Variants in KCNH1 observed in about 807,000 individuals in gnomAD.
The protein encoded by KCNH1 is voltage-gated delayed rectifier potassium channel KCNH1.
KCNH1 carries 27 observed loss-of-function variants against 69.2 expected under a neutral mutation model. That is an observed-to-expected ratio of 0.39 (90% CI 0.29 to 0.54). The LOEUF is 0.54. Among genes scored for constraint, KCNH1 ranks in the 20% least tolerant of loss-of-function variants. The pLI is 0.68. For missense variants in KCNH1, 798 were observed against 1,261.6 expected, an observed-to-expected ratio of 0.63 and a Z score of 5.57; for synonymous variants, 456 against 487.7, an observed-to-expected ratio of 0.93 and a Z score of 0.86.
At chr1:210,776,707 T>C (rs1683868047) in intron 9 of KCNH1, among the ~76,000 whole-genome samples, 1 of 152,194 alleles carries the variant, frequency 6.6e-6, no homozygotes. Context: ...CTGTTGTTTA[T>C]AAGTTACCCA....
chr1:210,697,397 C>T (rs954080346), intron 10 of KCNH1, among the ~76,000 whole-genome samples: 1 of 152,260 alleles, frequency 6.6e-6, no homozygotes, highest in Non-Finnish European at 1.5e-5. Flanking sequence ...CCCGTGCTGC[C>T]TCCTGCAGGG....
chr1:210,795,060 T>G (rs1366592770), intron 9 of KCNH1, among the ~76,000 whole-genome samples: 1 of 152,184 alleles, frequency 6.6e-6, no homozygotes, highest in Non-Finnish European at 1.5e-5. Context: ...TACCATGGAA[T>G]CTAGAACACT....
At chr1:210,745,147 C>T (rs552521356) in intron 10 of KCNH1, among the ~76,000 whole-genome samples, 2 of 152,054 alleles carry the variant, frequency 1.3e-5, no homozygotes, top group Non-Finnish European at 2.9e-5. Flanking sequence ...GAAGTTGCAG[C>T]GAGTGGAGGT....
chr1:211,113,992 A>T (rs1368347305), intron 1 of KCNH1, among the ~76,000 whole-genome samples: 7 of 150,574 alleles, frequency 4.6e-5, no homozygotes, highest in African/African-American at 1.7e-4. Context: ...ACACACACAC[A>T]CACACACACA....
intron 7 of KCNH1, among the ~76,000 whole-genome samples, chr1:210,850,655 G>A (rs1685680795): frequency 6.6e-6 from 1 of 152,234 alleles, no homozygotes. Flanking sequence ...CCTTGGCAAA[G>A]CAAGAACTCT....
At chr1:211,054,790 GA>G (rs1418639592) in intron 5 of KCNH1, among the ~76,000 whole-genome samples, 4 of 150,038 alleles carry the variant, frequency 2.7e-5, no homozygotes, top group Non-Finnish European at 5.9e-5. Context: ...GAAACCAATA[GA>G]AAAAAATAAA....
chr1:210,682,991 T>C lies in KCNH1; in HGVS notation c.*290A>G, dbSNP rs1681309132. On this transcript the variant is annotated 3_prime_UTR_variant, in exon 11 of 11. Coordinates refer to ENST00000271751, the MANE Select transcript of KCNH1 (RefSeq NM_172362.3). ...TTTTAATCTTTTACAAATATCATGG[T>C]AGTAAAAAATTAAAAATGAAGGAAA... 2 of 368,530 alleles carry C rather than the reference T, an allele frequency of 5.4e-6. No homozygotes were observed. Among genetic ancestry groups the C allele is most frequent in the Non-Finnish European group, 9.9e-6 (2 of 202,720 alleles). 22.8% of individuals were successfully genotyped at this position (368,530 alleles called of 1,614,324 possible).
chr1:210,786,235 C>T (rs1343210806), intron 9 of KCNH1, among the ~76,000 whole-genome samples: 1 of 152,152 alleles, frequency 6.6e-6, no homozygotes, highest in Non-Finnish European at 1.5e-5. Context: ...TGAATCATAC[C>T]TCTTTGATTC....
At chr1:211,054,057 G>A (rs1237012865) in intron 5 of KCNH1, among the ~76,000 whole-genome samples, 1 of 151,830 alleles carries the variant, frequency 6.6e-6, no homozygotes, top group Non-Finnish European at 1.5e-5. Context: ...ATCACCTGAG[G>A]TCAGGAGTTC....
intron 7 of KCNH1, among the ~76,000 whole-genome samples, chr1:210,805,631 A>G (rs1684534863): frequency 6.6e-6 from 1 of 152,216 alleles, no homozygotes; most frequent in Non-Finnish European, 1.5e-5. Context: ...GTATCCATTT[A>G]AAGTACAAAA....
intron 7 of KCNH1, among the ~76,000 whole-genome samples, chr1:210,874,986 T>C (rs1351456120): frequency 6.6e-6 from 1 of 151,932 alleles, no homozygotes; most frequent in Non-Finnish European, 1.5e-5. Context: ...CTCAGGAGTA[T>C]GATTAATTCA....
At chr1:210,993,994 T>G (rs1027934816) in intron 6 of KCNH1, among the ~76,000 whole-genome samples, 2 of 152,118 alleles carry the variant, frequency 1.3e-5, no homozygotes, top group Non-Finnish European at 2.9e-5. Context: ...ACAGTAATGA[T>G]GCACTATATA....
intron 5 of KCNH1, among the ~76,000 whole-genome samples, chr1:211,079,049 C>A (rs1690796052): frequency 6.7e-6 from 1 of 149,522 alleles, no homozygotes; most frequent in East Asian, 2.0e-4. Flanking sequence ...AAAAGATCAA[C>A]AAAATTGATA....
At chr1:210,975,920 C>T (rs1688599102) in intron 6 of KCNH1, among the ~76,000 whole-genome samples, 1 of 152,102 alleles carries the variant, frequency 6.6e-6, no homozygotes, top group South Asian at 2.1e-4. Flanking sequence ...AACAAACAAC[C>T]CCATCAAAAA....
chr1:210,935,712 T>C (rs1468812432), intron 6 of KCNH1, among the ~76,000 whole-genome samples: 1 of 152,174 alleles, frequency 6.6e-6, no homozygotes, highest in African/African-American at 2.4e-5. Context: ...AAACTTGCAA[T>C]TATGAACAAT....
intron 7 of KCNH1, among the ~76,000 whole-genome samples, chr1:210,804,509 T>C (rs1341632194): frequency 6.6e-6 from 1 of 152,234 alleles, no homozygotes; most frequent in Non-Finnish European, 1.5e-5. Context: ...AATTTTATAC[T>C]TTCTGTCATA....
At chr1:210,874,007 T>C (rs1355022733) in intron 7 of KCNH1, among the ~76,000 whole-genome samples, 2 of 152,190 alleles carry the variant, frequency 1.3e-5, no homozygotes, top group African/African-American at 2.4e-5. Context: ...AGGCTGGGGA[T>C]TAATTTAGCC....
In KCNH1 at chr1:210,780,128, G is replaced by C. The variant is rs539052808; in HGVS notation, c.1916-4584C>G. On this transcript the variant is annotated intron_variant, in intron 9 of 10. Coordinates refer to ENST00000271751, the MANE Select transcript of KCNH1 (RefSeq NM_172362.3). Reference sequence around the variant, plus strand: ...TGCTGGAACTCTGGGACCCTGGAAGGATCAATAGCCTTCTTGAGGTTGAAG... The same window carrying C: ...TGCTGGAACTCTGGGACCCTGGAAGCATCAATAGCCTTCTTGAGGTTGAAG... Among the ~76,000 whole-genome samples, 32 of 152,298 alleles carry C rather than the reference G, an allele frequency of 2.1e-4. 1 individual carries two copies. The South Asian group carries it at 5.0e-3, about 24-fold the overall frequency.
chr1:210,766,691 G>T (rs917462360), intron 10 of KCNH1, among the ~76,000 whole-genome samples: 1 of 152,216 alleles, frequency 6.6e-6, no homozygotes, highest in African/African-American at 2.4e-5. Flanking sequence ...TTAAGCACAG[G>T]CAGGGTAAAG....
Sources: gnomAD v4.1 joint callset for allele counts (sites outside exome capture counted in the v4.1 genomes callset) on GRCh38, gnomAD v4.1.1 for gene constraint, MANE v1.5 for transcripts, NCBI Gene and HGNC (gene_info 2026-07-23, HGNC 2026-07-21) for gene names.